CLCN7: variants seen among roughly 807,000 people sequenced by gnomAD.
The protein encoded by CLCN7 is Cl-/H+ antiporter 7.
In CLCN7, 60 loss-of-function variants were observed where a neutral mutation model predicts 102.1. The observed-to-expected ratio is 0.59, with a 90% CI of 0.48 to 0.73. The LOEUF (loss-of-function observed/expected upper bound fraction) is 0.73, where lower values mean the gene tolerates loss of function less well. Ranked by LOEUF, CLCN7 falls within the 30% of genes least tolerant of loss-of-function variation. The probability of loss-of-function intolerance (pLI) is 0.00; values close to 1 mark genes in which losing one functional copy is unlikely to be tolerated. For missense variants in CLCN7, 962 were observed against 1,125.7 expected (o/e 0.85, Z 2.08); for synonymous variants, 560 against 490.5 (o/e 1.14, Z -1.87).
At chr16:1,472,087 C>G (rs1244447617) in intron 1 of CLCN7, 1 of 152,266 alleles carries the variant, frequency 6.6e-6, no homozygotes, top group Admixed American at 6.5e-5. Context: ...CTGTCTCCAG[C>G]AGGAAGGAAG....
At chr16:1,448,933 C>T in intron 19 of CLCN7, 33 bp downstream of exon 19, 1 of 1,611,056 alleles carries the variant, frequency 6.2e-7, no homozygotes. Context: ...AGCACCCACG[C>T]TCTCAGGGTG....
At chr16:1,452,697 T>G in intron 15 of CLCN7, 58 bp downstream of exon 15, 1 of 1,541,742 alleles carries the variant, frequency 6.5e-7, no homozygotes. Flanking sequence ...GCGAGCCTCC[T>G]GGAGGCCGCC....
chr16:1,460,640 G>T (rs1168758607), intron 5 of CLCN7, 113 bp from the exon 6 acceptor site: 7 of 1,258,316 alleles, frequency 5.6e-6, no homozygotes, highest in Non-Finnish European at 6.8e-6. Flanking sequence ...GTGGAGCCAT[G>T]ATGTTCACTG....
chr16:1,465,552 G>C (rs1002441659), intron 1 of CLCN7, among the ~76,000 whole-genome samples: 1 of 152,200 alleles, frequency 6.6e-6, no homozygotes, highest in African/African-American at 2.4e-5. Context: ...CCCTCGGCCT[G>C]TCAGCGACAC....
At chr16:1,454,323 C>A (rs1184711946) in intron 13 of CLCN7, 88 bp downstream of exon 13, 1 of 1,385,174 alleles carries the variant, frequency 7.2e-7, no homozygotes, top group East Asian at 2.3e-5. Context: ...CTCCAGGGAG[C>A]CACAGCCTCC....
At position 1,460,401 on chromosome 16, in the gene CLCN7, G is replaced by A. The variant is rs200235819; in HGVS notation, c.594+17C>T. On this transcript the variant is annotated intron_variant, in intron 6 of 24. Transcript: ENST00000382745. ...CCTTCATGGGGTCCGCCATAGCTGC[G>A]GCATCCTGCCACCCACCTCTATGAA... The A allele has an allele frequency of 1.6e-4, 255 of 1,588,418 alleles. No homozygotes were observed. In the African/African-American group the frequency reaches 3.0e-3, roughly 19 times the overall value.
chr16:1,471,435 C>T lies in CLCN7; in HGVS notation c.141+3399G>A, dbSNP rs527289036. Among the ~76,000 whole-genome samples the T allele has an allele frequency of 6.6e-5, 10 of 152,220 alleles. No homozygotes were observed. In the South Asian group the frequency reaches 1.7e-3, roughly 25 times the overall value. ...TGAACCCAAGGGCAGCTTACAGTAC[C>T]CCGTCTGTGGCCACACTGGGGTGCG... On this transcript the variant is annotated intron_variant, in intron 1 of 24. Transcript: ENST00000382745.
chr16:1,457,352 G>T lies in CLCN7; in HGVS notation c.739-15C>A. The T allele has an allele frequency of 6.2e-7, 1 of 1,611,778 alleles. No individual in the cohort carries two copies. The highest frequency in any genetic ancestry group is 8.5e-7 in the Non-Finnish European group (1 of 1,178,578). On this transcript the variant is annotated splice_polypyrimidine_tract_variant and intron_variant, in intron 8 of 24. Transcript: ENST00000382745. The surrounding 1 kb of genome is among the most constrained non-coding windows in gnomAD (Gnocchi z 5.4). ...ATCGGCCCTTCCTGGAGACCAGAAG[G>T]ACCGGTGCTCAGAGACACGCGTGAC...
chr16:1,467,591 G>GTGCCCCGA (rs1208923657), intron 1 of CLCN7: 35 of 152,350 alleles, frequency 2.3e-4, no homozygotes, highest in African/African-American at 8.2e-4. Context: ...AGGTGGACAG[G>GTGCCCCGA]TGCCCCGATG....
chr16:1,452,906 A>T lies in CLCN7; in HGVS notation c.1215-13T>A. The stretch of plus-strand genomic sequence containing the variant: ...CCGGTGGATGTACCTGGAACCAAGA[A>T]TCAGGCTGCATGGCAGGCAGGACGG... On this transcript the variant is annotated splice_polypyrimidine_tract_variant and intron_variant, in intron 14 of 24. Transcript: ENST00000382745. 6.4e-7 allele frequency: 1 copy of T among 1,561,808 alleles called. No homozygotes were observed. Among genetic ancestry groups the T allele is most frequent in the African/African-American group, 1.4e-5 (1 of 73,566 alleles).
In CLCN7 at chr16:1,455,778, A is replaced by G. The variant is rs1469601701; in HGVS notation, c.934T>C (p.Leu312=). 1 of 1,613,504 alleles carries G rather than the reference A, an allele frequency of 6.2e-7. No individual in the cohort carries two copies. Among genetic ancestry groups the G allele is most frequent in the African/African-American group, 1.3e-5 (1 of 74,916 alleles). The change falls in exon 11 of 25, where the codon TTG becomes CTG. Residue 312 remains leucine, a synonymous_variant. Transcript: ENST00000382745. ...TTCCAGAAGGACGCACCCTCCTCCA[A>G]GCTGAACAGGACCCCACCTGGAAGG... ...GAPVGGVLFS[L]EEGASFWNQF...
rs1292698143 is a variant in CLCN7 at position 1,454,441 on chromosome 16, T to C, written c.1123A>G (p.Ile375Val). The change falls in exon 13 of 25, where the codon ATC (isoleucine) becomes GTC (valine). Residue 375 changes from isoleucine to valine, a missense_variant. By Grantham distance (29) the Ile-to-Val change is conservative. Around this residue, in one of 2 missense-constraint regions of CLCN7, gnomAD observed 799 missense variants for 988.0 expected, o/e 0.81. Coordinates refer to ENST00000382745, the MANE Select transcript of CLCN7 (RefSeq NM_001287.6). ...SEKMAYTIHE[I>V]PVFIAMGVVG... is the part of the protein sequence containing the mutation. ...ACGCCCATGGCGATGAAGACCGGGA[T>C]CTCGTGGATCGTGTAGGCCATTTTC... 3 of 1,613,492 alleles carry C rather than the reference T, an allele frequency of 1.9e-6. No individual in the cohort carries two copies. Among genetic ancestry groups the C allele is most frequent in the South Asian group, 1.1e-5 (1 of 91,078 alleles).
intron 2 of CLCN7, among the ~76,000 whole-genome samples, chr16:1,463,446 C>T (rs2038965992): frequency 6.6e-6 from 1 of 152,056 alleles, no homozygotes; most frequent in Admixed American, 6.6e-5. Context: ...TCAGCCTGGG[C>T]CACACAGTGA....
At chr16:1,453,985 G>T in intron 13 of CLCN7, 91 bp from the exon 14 acceptor site, 3 of 1,283,546 alleles carry the variant, frequency 2.3e-6, no homozygotes, top group Non-Finnish European at 3.4e-6. Context: ...AAGCTGGAGG[G>T]TTTGCAGAGG....
chr16:1,459,217 T>C, intron 6 of CLCN7, 30 bp from the exon 7 acceptor site: 1 of 1,584,202 alleles, frequency 6.3e-7, no homozygotes, highest in Non-Finnish European at 8.6e-7. Flanking sequence ...GCTGAGTGGG[T>C]CACGGCCAGG....
chr16:1,457,225 G>C lies in CLCN7; in HGVS notation c.822+29C>G. 6.2e-7 allele frequency: 1 copy of C among 1,603,592 alleles called. No individual in the cohort carries two copies. Among genetic ancestry groups the C allele is most frequent in the Non-Finnish European group, 8.5e-7 (1 of 1,170,678 alleles). On this transcript the variant is annotated intron_variant, in intron 9 of 24. Coordinates refer to ENST00000382745, the MANE Select transcript of CLCN7 (RefSeq NM_001287.6). The surrounding 1 kb of genome is among the most constrained non-coding windows in gnomAD (Gnocchi z 5.4). Reference sequence around the variant, plus strand: ...CCCGTGCCCGTGCCCATGGCATCTGGAGCCCACCCACACAAGATTTCAACT... The same window carrying C: ...CCCGTGCCCGTGCCCATGGCATCTGCAGCCCACCCACACAAGATTTCAACT...
rs370865246 is a variant in CLCN7, at chr16:1,447,528, C to T, written c.2114G>A (p.Arg705His). The T allele has an allele frequency of 9.6e-6, 15 of 1,555,486 alleles. No individual in the cohort carries two copies. The highest frequency in any genetic ancestry group is 7.3e-5 in the East Asian group (3 of 41,232). ...ERSNLGLVQR[R>H]LRLKDFRDAY... ...GTCTCGGAAGTCCTTCAGCCTCAGG[C>T]GCCGCTGTACCAGGCCCAGGTTGGA... Residue 705 changes from arginine to histidine, a missense_variant, in exon 23 of 25, where the codon CGC becomes CAC. Transcript: ENST00000382745.
intron 14 of CLCN7, 78 bp downstream of exon 14, chr16:1,453,756 C>G: frequency 7.3e-7 from 1 of 1,361,848 alleles, no homozygotes; most frequent in Non-Finnish European, 1.1e-6. Flanking sequence ...AGTGTAAACC[C>G]CATTCCACCA....
rs1313701099 is a variant in CLCN7, at chr16:1,450,528, C to T, written c.1586G>A (p.Gly529Glu). The T allele has an allele frequency of 6.2e-7, 1 of 1,609,518 alleles. No homozygotes were observed. The highest frequency in any genetic ancestry group is 1.7e-5 in the Admixed American group (1 of 59,532). Residue 529 changes from glycine to glutamate, a missense_variant, in exon 17 of 25, where the codon GGG becomes GAG. Gly to Glu is a moderately conservative substitution (Grantham distance 98). Transcript: ENST00000382745. ...LIGAAWGRLF[G>E]ISLSYLTGAA... ...CCCCGTGAGGTAGGACAGGGAGATC[C>T]CAAAGAGCCGGCCCCAGGCAGCCCC...
Sources: gnomAD v4.1 joint callset for allele counts (sites outside exome capture counted in the v4.1 genomes callset) on GRCh38, gnomAD v4.1.1 for gene constraint, gnomAD v4.1.1 regional missense constraint, Gnocchi (gnomAD v3.1) non-coding constraint, MANE v1.5 for transcripts, NCBI Gene and HGNC (gene_info 2026-07-23, HGNC 2026-07-21) for gene names.